FBXL18: variants seen among roughly 807,000 people sequenced by gnomAD.
FBXL18 encodes the protein F-box/LRR-repeat protein 18.
A neutral mutation model predicts 46.0 loss-of-function variants in FBXL18; 36 were observed. That is an observed-to-expected ratio of 0.78 (90% confidence interval 0.60 to 1.03). The LOEUF is 1.03. Among genes scored for constraint, FBXL18 ranks in the 50% least tolerant of loss-of-function variants. FBXL18 has a pLI of 0.00. For synonymous variants in FBXL18, 557 were observed against 465.3 expected (o/e 1.20, Z -2.54); for missense variants, 977 against 1,004.1 (o/e 0.97, Z 0.36).
At chr7:5,467,315 C>T (rs961167700) in intron 4 of FBXL18, among the ~76,000 whole-genome samples, 1 of 152,006 alleles carries the variant, frequency 6.6e-6, no homozygotes, top group African/African-American at 2.4e-5. Flanking sequence ...TGCGCCACTG[C>T]ACTCCAGCCT....
rs1002988769 is a variant in FBXL18, at chr7:5,478,321, G to A, written c.*3454C>T. On this transcript the variant is annotated 3_prime_UTR_variant, in exon 5 of 5. Transcript: ENST00000382368. Reference sequence around the variant, plus strand: ...GCCCCCCTGGGCTGGACGGGCCGTTGAAAACAAGAAAAGCCTTCCATAGCA... The same window carrying A: ...GCCCCCCTGGGCTGGACGGGCCGTTAAAAACAAGAAAAGCCTTCCATAGCA... 4 of 152,294 alleles carry A rather than the reference G, an allele frequency of 2.6e-5. No individual in the cohort carries two copies. The highest frequency in any genetic ancestry group is 2.6e-4 in the Admixed American group (4 of 15,284). The allele number at this position is 152,294 out of a possible 1,614,324, so 9.4% of individuals were successfully genotyped here.
chr7:5,503,307 C>T (rs957635644), intron 2 of FBXL18, among the ~76,000 whole-genome samples: 2 of 152,202 alleles, frequency 1.3e-5, no homozygotes, highest in South Asian at 4.1e-4. Flanking sequence ...TGGCTTGAGC[C>T]TGGGAGGTGG....
At chr7:5,489,190 T>C in intron 4 of FBXL18, 9 of 510,398 alleles carry the variant, frequency 1.8e-5, no homozygotes, top group South Asian at 1.3e-4. Flanking sequence ...GAATAATCAC[T>C]TAGGGCTTTA....
In FBXL18 at chr7:5,455,981, G is replaced by C. The variant is rs1783167772; in HGVS notation, c.2001-8138C>G. Reference sequence around the variant, plus strand: ...TCGTTCCCTCTGTGCTCCTTCCCCAGTGTCACTCCTCCTTCAAACCCCAAG... The same window carrying C: ...TCGTTCCCTCTGTGCTCCTTCCCCACTGTCACTCCTCCTTCAAACCCCAAG... On this transcript the variant is annotated intron_variant and NMD_transcript_variant, in intron 4 of 6. Coordinates refer to the FBXL18 transcript ENST00000415009. This position sits in a 1 kb window ranked among gnomAD's most constrained non-coding sequence, Gnocchi z 4.6. 6.6e-6 allele frequency among the ~76,000 whole-genome samples: 1 copy of C among 152,058 alleles called. No homozygotes were observed. The highest frequency in any genetic ancestry group is 1.5e-5 in the Non-Finnish European group (1 of 68,012).
chr7:5,455,054 T>G lies in FBXL18; in HGVS notation c.2001-7211A>C, dbSNP rs1343571889. 6.6e-6 allele frequency among the ~76,000 whole-genome samples: 1 copy of G among 152,166 alleles called. No homozygotes were observed. Among genetic ancestry groups the G allele is most frequent in the East Asian group, 1.9e-4 (1 of 5,194 alleles). The stretch of plus-strand genomic sequence containing the variant: ...CACACTGGCACTCCGAGTGCCACCT[T>G]CCACGCCGTCACTTTAGGAGTTTGC... On this transcript the variant is annotated intron_variant and NMD_transcript_variant, in intron 4 of 6. Transcript: ENST00000415009. The surrounding 1 kb of genome is among the most constrained non-coding windows in gnomAD (Gnocchi z 4.6).
intron 3 of FBXL18, among the ~76,000 whole-genome samples, chr7:5,498,774 T>A (rs1784152893): frequency 6.6e-6 from 1 of 152,016 alleles, no homozygotes; most frequent in Admixed American, 6.6e-5. Context: ...AGTTTTACCA[T>A]GTTGGCCAGA....
intron 1 of FBXL18, among the ~76,000 whole-genome samples, chr7:5,507,951 G>A (rs1584245044): frequency 6.6e-6 from 1 of 151,644 alleles, no homozygotes; most frequent in African/African-American, 2.4e-5. Flanking sequence ...TGGCCAACAT[G>A]GTGAAACCCT....
Position 5,496,752 on chromosome 7 carries a change from A to G in FBXL18, c.1781+3736T>C, listed in dbSNP as rs1486154368. On this transcript the variant is annotated intron_variant, in intron 3 of 4. Coordinates refer to ENST00000382368, the MANE Select transcript of FBXL18 (RefSeq NM_024963.6). This position sits in a 1 kb window ranked among gnomAD's most constrained non-coding sequence, Gnocchi z 4.8. Reference sequence around the variant, plus strand: ...CAAAAAACTAGCCAGGCGGCCGGGCACAGTGGCTTACGCCTGTAATCCCAC... The same window carrying G: ...CAAAAAACTAGCCAGGCGGCCGGGCGCAGTGGCTTACGCCTGTAATCCCAC... Among the ~76,000 whole-genome samples, 1 of 152,172 alleles carries G rather than the reference A, an allele frequency of 6.6e-6. No individual in the cohort carries two copies. The highest frequency in any genetic ancestry group is 1.5e-5 in the Non-Finnish European group (1 of 68,022).
At chr7:5,466,075 C>G (rs969876540) in intron 4 of FBXL18, among the ~76,000 whole-genome samples, 1 of 151,848 alleles carries the variant, frequency 6.6e-6, no homozygotes, top group Non-Finnish European at 1.5e-5. Flanking sequence ...GCCTCGGCCT[C>G]CCAAAATGCT....
chr7:5,491,181 G>A (rs890373935), intron 4 of FBXL18, 50 bp downstream of exon 4: 2 of 1,511,660 alleles, frequency 1.3e-6, no homozygotes, highest in East Asian at 2.4e-5. Context: ...GTCACGGGAT[G>A]CTGGTGATTT....
At chr7:5,487,996 C>T (rs752759809) in intron 4 of FBXL18, among the ~76,000 whole-genome samples, 10 of 152,246 alleles carry the variant, frequency 6.6e-5, no homozygotes, top group Non-Finnish European at 1.2e-4. Flanking sequence ...CAGGCACCTG[C>T]GTGTAACCAG....
intron 4 of FBXL18, among the ~76,000 whole-genome samples, chr7:5,457,934 C>T (rs1037168957): frequency 6.6e-6 from 1 of 152,150 alleles, no homozygotes; most frequent in Non-Finnish European, 1.5e-5. Flanking sequence ...TCAGCGAGAG[C>T]GCTGCCAGCT....
chr7:5,500,835 C>A lies in FBXL18; in HGVS notation c.1434G>T (p.Leu478=). Residue 478 remains leucine (L), a synonymous_variant, in exon 3 of 5, where the codon CTG becomes CTT. Coordinates refer to ENST00000382368, the MANE Select transcript of FBXL18 (RefSeq NM_024963.6). ...GTTCCAGGAAGGGCAGGTTCTTCAG[C>A]AGAGACCAGAACACGGAGGAGGGCT... ...CPQPSSVFWS[L]LKNLPFLEHL... 1 of 1,611,546 alleles carries A rather than the reference C, an allele frequency of 6.2e-7. No individual in the cohort carries two copies. Among genetic ancestry groups the A allele is most frequent in the East Asian group, 2.2e-5 (1 of 44,862 alleles).
chr7:5,468,261 G>A (rs1200130430), intron 4 of FBXL18, among the ~76,000 whole-genome samples: 1 of 152,082 alleles, frequency 6.6e-6, no homozygotes, highest in Non-Finnish European at 1.5e-5. Context: ...GGGATTACAG[G>A]CATGACCCAC....
Position 5,476,141 on chromosome 7 carries a change from T to A in FBXL18, c.*5634A>T, listed in dbSNP as rs1382151462. On this transcript the variant is annotated 3_prime_UTR_variant, in exon 5 of 5. Transcript: ENST00000382368. Reference sequence around the variant, plus strand: ...AGGTGGCGAAGGGGCTGGAGGGAGATACCACCGACGGCTGCAGGGGAGGGG... The same window carrying A: ...AGGTGGCGAAGGGGCTGGAGGGAGAAACCACCGACGGCTGCAGGGGAGGGG... The A allele has an allele frequency of 6.5e-6, 1 of 152,682 alleles. No homozygotes were observed. Among genetic ancestry groups the A allele is most frequent in the Non-Finnish European group, 1.5e-5 (1 of 68,550 alleles). 9.5% of individuals were successfully genotyped at this position (152,682 alleles called of 1,614,324 possible).
intron 1 of FBXL18, among the ~76,000 whole-genome samples, chr7:5,508,171 C>CAGAAGAA: frequency 6.6e-6 from 1 of 150,992 alleles, no homozygotes; most frequent in South Asian, 2.1e-4. Context: ...GAGGCCAAGG[C>CAGAAGAA]AGAAGAATCA....
chr7:5,481,302 C>G lies in FBXL18; in HGVS notation c.*473G>C, dbSNP rs948807479. 1 of 173,694 alleles carries G rather than the reference C, an allele frequency of 5.8e-6. No individual in the cohort carries two copies. The highest frequency in any genetic ancestry group is 1.3e-5 in the Non-Finnish European group (1 of 79,542). 10.8% of individuals were successfully genotyped at this position (173,694 alleles called of 1,614,324 possible). ...CCATGCAAGGGGACACTCAGATACA[C>G]GGTGACCAGCCCGGCCGACTGGACT... On this transcript the variant is annotated 3_prime_UTR_variant, in exon 5 of 5. Coordinates refer to ENST00000382368, the MANE Select transcript of FBXL18 (RefSeq NM_024963.6).
intron 4 of FBXL18, among the ~76,000 whole-genome samples, chr7:5,463,561 G>C (rs1282739908): frequency 6.6e-6 from 1 of 151,480 alleles, no homozygotes; most frequent in Non-Finnish European, 1.5e-5. Context: ...CAAGGCTGTA[G>C]TGAACCACGA....
At chr7:5,472,519 G>C (rs1029928803), downstream of FBXL18, among the ~76,000 whole-genome samples, 2 of 152,080 alleles carry the variant, frequency 1.3e-5, no homozygotes, top group Non-Finnish European at 2.9e-5. Context: ...ACATGGAGAG[G>C]CCACTTAGAC....
Sources: allele counts gnomAD v4.1 joint callset (sites outside exome capture counted in the v4.1 genomes callset), GRCh38; gene constraint gnomAD v4.1.1; non-coding constraint Gnocchi (gnomAD v3.1); transcripts MANE v1.5; gene names NCBI Gene and HGNC (gene_info 2026-07-23, HGNC 2026-07-21).